Variants in SLC35D1 observed in about 807,000 individuals in gnomAD.
The protein encoded by SLC35D1 is nucleotide sugar transporter SLC35D1.
In SLC35D1, 31 loss-of-function variants were observed where a neutral mutation model predicts 46.7. The ratio of observed to expected loss-of-function variants is 0.66; its 90% CI spans 0.50 to 0.90. The LOEUF is 0.90. SLC35D1 is among the 40% of genes least tolerant of loss of function. The pLI is 0.00. For synonymous variants in SLC35D1, 195 were observed against 164.6 expected (o/e 1.18, Z -1.41); for missense variants, 397 against 426.2 (o/e 0.93, Z 0.60).
chr1:67,003,183 C>G lies in SLC35D1; in HGVS notation c.*1157G>C, dbSNP rs1667378186. 6.6e-6 allele frequency: 1 copy of G among 152,382 alleles called. No homozygotes were observed. Among genetic ancestry groups the G allele is most frequent in the Non-Finnish European group, 1.5e-5 (1 of 68,058 alleles). 9.4% of individuals were successfully genotyped at this position (152,382 alleles called of 1,614,324 possible). A position where few individuals can be genotyped will look rare whatever the true frequency, so the allele number is the denominator to read the frequency against. On this transcript the variant is annotated 3_prime_UTR_variant, in exon 12 of 12. Coordinates refer to ENST00000235345, the MANE Select transcript of SLC35D1 (RefSeq NM_015139.3). ...CCATTGACAATACAAAGACGTCTAA[C>G]CAGCCTTTCCCCTCAAACCAATAAA...
At chr1:66,993,373 C>T in the SLC35D1 span, among the ~76,000 whole-genome samples, 91 of 152,160 alleles carry the variant, frequency 6.0e-4, no homozygotes, top group Non-Finnish European at 1.3e-3. Context: ...AGGAGTTCAG[C>T]AGTGACCATG....
chr1:67,036,752 T>C (rs1463201832), intron 8 of SLC35D1, among the ~76,000 whole-genome samples: 1 of 151,846 alleles, frequency 6.6e-6, no homozygotes, highest in Non-Finnish European at 1.5e-5. Flanking sequence ...CTACTGTATG[T>C]CTTTTGATTG....
intron 8 of SLC35D1, among the ~76,000 whole-genome samples, chr1:67,038,140 T>C (rs1216873627): frequency 6.6e-6 from 1 of 152,194 alleles, no homozygotes; most frequent in East Asian, 1.9e-4. Flanking sequence ...CTGTTTTACA[T>C]ATGGGAACAC....
the SLC35D1 span, among the ~76,000 whole-genome samples, chr1:66,983,182 C>T: frequency 6.6e-6 from 1 of 152,202 alleles, no homozygotes; most frequent in Non-Finnish European, 1.5e-5. Flanking sequence ...AGGAACTTTT[C>T]ATCCCAATGT....
Position 67,053,932 on chromosome 1 carries a change from C to T in SLC35D1, c.82G>A (p.Glu28Lys). ...GTTTCGGCCGACGCCATCCCCAGCT[C>T]CTCCTCATCTCGGAGTGTGGAGGAT... ...AKSSTLRDEE[E>K]LGMASAETLT... The change falls in exon 1 of 12, where the codon GAG becomes AAG. Residue 28 changes from glutamate to lysine, a missense_variant. Transcript: ENST00000235345. 1 of 1,613,784 alleles carries T rather than the reference C, an allele frequency of 6.2e-7. No homozygotes were observed. The highest frequency in any genetic ancestry group is 8.5e-7 in the Non-Finnish European group (1 of 1,179,744).
At position 67,021,619 on chromosome 1, in the gene SLC35D1, A is replaced by T; in HGVS notation, c.730-17T>A. ...CTCCACAGCCTGCAACACACAAGAAAGCATTAAATTTTAGACCAGGCCTTC... is the reference window on the plus strand; with the variant it reads ...CTCCACAGCCTGCAACACACAAGAATGCATTAAATTTTAGACCAGGCCTTC... On this transcript the variant is annotated splice_polypyrimidine_tract_variant and intron_variant, in intron 8 of 11. Coordinates refer to ENST00000235345, the MANE Select transcript of SLC35D1 (RefSeq NM_015139.3). The T allele has an allele frequency of 6.2e-7, 1 of 1,613,432 alleles. No individual in the cohort carries two copies. The highest frequency in any genetic ancestry group is 8.5e-7 in the Non-Finnish European group (1 of 1,179,596).
chr1:67,014,507 A>T (rs975452), intron 10 of SLC35D1, among the ~76,000 whole-genome samples: 117,766 of 151,924 alleles, frequency 0.78, 45,933 homozygotes, highest in South Asian at 0.88. Context: ...TACATGTCTA[A>T]GTGTATATAC....
chr1:67,021,658 C>T (rs1667801161), intron 8 of SLC35D1, 56 bp from the exon 9 acceptor site: 5 of 1,549,778 alleles, frequency 3.2e-6, no homozygotes, highest in Admixed American at 1.7e-5. Flanking sequence ...ATCAGCTATC[C>T]CGTTTTAATG....
At chr1:67,024,121 T>C (rs1558156543) in intron 8 of SLC35D1, among the ~76,000 whole-genome samples, 1 of 150,868 alleles carries the variant, frequency 6.6e-6, no homozygotes. Context: ...ATTTTTGTAT[T>C]TTTTAGTAGA....
chr1:67,037,001 A>G (rs1343519378), intron 8 of SLC35D1, among the ~76,000 whole-genome samples: 1 of 152,072 alleles, frequency 6.6e-6, no homozygotes, highest in Non-Finnish European at 1.5e-5. Context: ...CAACCTAATA[A>G]CCCAGTATTT....
At chr1:66,988,036 C>G in the SLC35D1 span, 1 of 152,232 alleles carries the variant, frequency 6.6e-6, no homozygotes, top group Non-Finnish European at 1.5e-5. Flanking sequence ...ACAATATTTT[C>G]TTTGCTATCG....
Position 67,001,921 on chromosome 1 carries a change from T to C in SLC35D1, c.*2419A>G, listed in dbSNP as rs1558147036. On this transcript the variant is annotated 3_prime_UTR_variant, in exon 12 of 12. Transcript: ENST00000235345. ...TCCCAAGGCACAGAAGCCTGTCACGTGCATTTAGTGAAGCTGTAACTACAC... is the reference window on the plus strand; with the variant it reads ...TCCCAAGGCACAGAAGCCTGTCACGCGCATTTAGTGAAGCTGTAACTACAC... 6.6e-6 allele frequency: 1 copy of C among 152,338 alleles called. No individual in the cohort carries two copies. The allele number at this position is 152,338 out of a possible 1,614,324, so 9.4% of individuals were successfully genotyped here.
At position 67,004,386 on chromosome 1, in the gene SLC35D1, G is replaced by C; in HGVS notation, c.1022C>G (p.Ser341Ter). Residue 341 changes from serine (S) to a stop codon, truncating the protein, a stop_gained, in exon 12 of 12, where the codon TCA becomes TGA. Transcript: ENST00000235345. LOFTEE classifies it high-confidence loss of function. ...AATGTCCAGCTTGTTATTAGCCTCT[G>C]ACTGTTTGCTCAGCTGCTCTTCAGT... ...TFTEEQLSKQ[S>*]EANNKLDIKG... The C allele has an allele frequency of 6.2e-7, 1 of 1,614,054 alleles. No homozygotes were observed. Among genetic ancestry groups the C allele is most frequent in the Non-Finnish European group, 8.5e-7 (1 of 1,179,968 alleles).
At chr1:67,043,348 G>A (rs1645217196) in intron 7 of SLC35D1, among the ~76,000 whole-genome samples, 1 of 151,856 alleles carries the variant, frequency 6.6e-6, no homozygotes, top group Non-Finnish European at 1.5e-5. Context: ...CTCCAACCTG[G>A]GTAACAGAGC....
downstream of SLC35D1, among the ~76,000 whole-genome samples, chr1:66,996,594 G>A (rs1227254915): frequency 2.0e-5 from 3 of 152,170 alleles, no homozygotes; most frequent in East Asian, 5.8e-4. Flanking sequence ...AACTCAGTCT[G>A]GCTTGATGGA....
chr1:66,979,386 A>G, the SLC35D1 span, among the ~76,000 whole-genome samples: 1 of 152,194 alleles, frequency 6.6e-6, no homozygotes, highest in Non-Finnish European at 1.5e-5. Context: ...ATTATCCTGA[A>G]AGTCATTTGT....
At chr1:66,991,232 G>C in the SLC35D1 span, among the ~76,000 whole-genome samples, 3 of 152,156 alleles carry the variant, frequency 2.0e-5, no homozygotes, top group Non-Finnish European at 4.4e-5. Context: ...GGGTTGCCTG[G>C]TTAAATTATG....
chr1:67,032,398 G>C (rs1282278207), intron 8 of SLC35D1, among the ~76,000 whole-genome samples: 1 of 151,812 alleles, frequency 6.6e-6, no homozygotes, highest in Admixed American at 6.6e-5. Flanking sequence ...ATCACATCAT[G>C]GGCTGGGCTC....
the SLC35D1 span, among the ~76,000 whole-genome samples, chr1:66,981,233 T>C: frequency 6.6e-6 from 1 of 152,224 alleles, no homozygotes; most frequent in East Asian, 1.9e-4. Flanking sequence ...TCACATACAA[T>C]GAGAAAGTGA....
Sources: allele counts gnomAD v4.1 joint callset (sites outside exome capture counted in the v4.1 genomes callset), GRCh38; gene constraint gnomAD v4.1.1; transcripts MANE v1.5; gene names NCBI Gene and HGNC (gene_info 2026-07-23, HGNC 2026-07-21).